The following RBM25 variants were observed in gnomAD, a reference collection of about 807,000 sequenced individuals.
RBM25 encodes RNA-binding protein 25.
In RBM25, 19 loss-of-function variants were observed where a neutral mutation model predicts 120.7. The ratio of observed to expected loss-of-function variants is 0.16; its 90% CI spans 0.11 to 0.23. RBM25 has a LOEUF of 0.23. Among genes scored for constraint, RBM25 ranks in the 10% least tolerant of loss-of-function variants. RBM25 has a pLI of 1.00. For missense variants in RBM25, 605 were observed against 1,041.5 expected, an observed-to-expected ratio of 0.58 and a Z score of 5.77; for synonymous variants, 390 against 326.7, an observed-to-expected ratio of 1.19 and a Z score of -2.09.
intron 10 of RBM25, among the ~76,000 whole-genome samples, chr14:73,103,883 T>TTGTC (rs1370183941): frequency 9.5e-5 from 12 of 126,808 alleles, no homozygotes; most frequent in East Asian, 4.7e-4. Context: ...AACATGGTCT[T>TTGTC]TGTCTGTCTG....
chr14:73,111,846 G>A (rs763357853), intron 16 of RBM25, 44 bp downstream of exon 16: 6 of 1,517,904 alleles, frequency 4.0e-6, no homozygotes, highest in Non-Finnish European at 5.3e-6. Flanking sequence ...GGAACAGTTG[G>A]AATATGCCAT....
chr14:73,088,979 A>G (rs1895749470), intron 6 of RBM25, among the ~76,000 whole-genome samples: 1 of 152,124 alleles, frequency 6.6e-6, no homozygotes, highest in Non-Finnish European at 1.5e-5. Flanking sequence ...TGTCTCTACT[A>G]AAAATACAAA....
chr14:73,104,538 G>T (rs1896139226), intron 10 of RBM25, among the ~76,000 whole-genome samples: 1 of 151,700 alleles, frequency 6.6e-6, no homozygotes, highest in Admixed American at 6.6e-5. Flanking sequence ...ACTAATTTTT[G>T]TATTTTTTTT....
intron 6 of RBM25, among the ~76,000 whole-genome samples, chr14:73,090,286 G>C (rs1895784041): frequency 1.3e-5 from 2 of 152,082 alleles, no homozygotes; most frequent in African/African-American, 2.4e-5. Flanking sequence ...CCTGACCTCA[G>C]GTGATCCACC....
In RBM25 at chr14:73,107,866, A is replaced by G; in HGVS notation, c.1508A>G (p.Tyr503Cys). Residue 503 changes from tyrosine (Y) to cysteine (C), a missense_variant, in exon 13 of 19, where the codon TAT (tyrosine) becomes TGT (cysteine). Physicochemically the swap from Tyr to Cys is radical, Grantham distance 194 (BLOSUM62 -2). This residue lies in a region of RBM25 where 465 missense variants were observed against 741.6 expected (regional missense o/e 0.63). Coordinates refer to ENST00000261973, the MANE Select transcript of RBM25 (RefSeq NM_021239.3). ...CGACTAAAAGAATTCTTAGAAGACT[A>G]TGATGATGATAGAGATGACCCCAAA... Reference protein sequence around the residue: ...AKRLKEFLEDYDDDRDDPKYY... With the variant: ...AKRLKEFLEDCDDDRDDPKYY... The G allele has an allele frequency of 6.2e-7, 1 of 1,602,694 alleles. No homozygotes were observed. The highest frequency in any genetic ancestry group is 8.5e-7 in the Non-Finnish European group (1 of 1,172,924).
intron 4 of RBM25, 85 bp downstream of exon 4, chr14:73,077,621 T>A: frequency 7.9e-7 from 1 of 1,260,474 alleles, no homozygotes; most frequent in South Asian, 1.6e-5. Context: ...TTTCAGTGAT[T>A]GCTTTTTATT....
In RBM25 at chr14:73,077,373, T is replaced by C; in HGVS notation, c.161T>C (p.Leu54Ser). ...TATTTTGTTTCTTCACCTTAGGTCTTAGTACCCACTGTGTCTATGGTTGGA... is the reference window on the plus strand; with the variant it reads ...TATTTTGTTTCTTCACCTTAGGTCTCAGTACCCACTGTGTCTATGGTTGGA... ...MSIMAPAPTV[L>S]VPTVSMVGKH... The change falls in exon 4 of 19, where the codon TTA becomes TCA. Residue 54 changes from leucine (L) to serine (S), a missense_variant. By Grantham distance (145) the Leu-to-Ser change is moderately radical. Coordinates refer to ENST00000261973, the MANE Select transcript of RBM25 (RefSeq NM_021239.3). 1 of 1,609,436 alleles carries C rather than the reference T, an allele frequency of 6.2e-7. No individual in the cohort carries two copies. The highest frequency in any genetic ancestry group is 8.5e-7 in the Non-Finnish European group (1 of 1,177,728).
chr14:73,114,165 G>A, intron 17 of RBM25, 121 bp from the exon 18 acceptor site: 2 of 684,582 alleles, frequency 2.9e-6, no homozygotes, highest in Non-Finnish European at 4.8e-6. Context: ...AACATTTATA[G>A]AATGGTTCCT....
chr14:73,098,145 T>G (rs746314176), intron 7 of RBM25, among the ~76,000 whole-genome samples: 3 of 152,214 alleles, frequency 2.0e-5, no homozygotes, highest in Non-Finnish European at 4.4e-5. Context: ...TATTTATGTT[T>G]TTGAGACAGT....
chr14:73,086,446 A>AAAAC (rs1895687917), intron 5 of RBM25, among the ~76,000 whole-genome samples: 1 of 151,866 alleles, frequency 6.6e-6, no homozygotes, highest in African/African-American at 2.4e-5. Context: ...AAAAAAAAAA[A>AAAAC]AAAACAAAAC....
intron 1 of RBM25, among the ~76,000 whole-genome samples, chr14:73,061,045 TTGG>T (rs1299741219): frequency 6.6e-6 from 1 of 150,826 alleles, no homozygotes; most frequent in Non-Finnish European, 1.5e-5. Context: ...TTTTTCTGAG[TTGG>T]TGTACTTTTT....
At chr14:73,100,800 A>T (rs2140453135) in intron 9 of RBM25, 1 of 152,622 alleles carries the variant, frequency 6.6e-6, no homozygotes. Context: ...TGCTTTTTCA[A>T]GAATTAAATG....
intron 2 of RBM25, among the ~76,000 whole-genome samples, chr14:73,073,545 T>C (rs1267135969): frequency 6.6e-6 from 1 of 152,066 alleles, no homozygotes; most frequent in African/African-American, 2.4e-5. Flanking sequence ...AAAAATTAGC[T>C]GGGCGTGGTG....
rs576541173 is a variant in RBM25, at chr14:73,122,590, T to A, written c.*2785T>A. On this transcript the variant is annotated 3_prime_UTR_variant, in exon 19 of 19. Transcript: ENST00000261973. The stretch of plus-strand genomic sequence containing the variant: ...CTTGCCTGGCCAAAGCGTGAACATC[T>A]TAAGAACCAGTCTTGATCTGGCAAA... 1 of 152,206 alleles carries A rather than the reference T, an allele frequency of 6.6e-6. No individual in the cohort carries two copies. The highest frequency in any genetic ancestry group is 1.5e-5 in the Non-Finnish European group (1 of 68,042). The allele number at this position is 152,206 out of a possible 1,614,324, so 9.4% of individuals were successfully genotyped here.
intron 10 of RBM25, among the ~76,000 whole-genome samples, chr14:73,105,522 G>A (rs966516808): frequency 2.6e-5 from 4 of 151,924 alleles, no homozygotes; most frequent in African/African-American, 9.7e-5. Flanking sequence ...CCTTTTTTCT[G>A]TTTTACACCA....
At chr14:73,098,420 C>A (rs547884838) in intron 7 of RBM25, among the ~76,000 whole-genome samples, 1 of 152,214 alleles carries the variant, frequency 6.6e-6, no homozygotes, top group African/African-American at 2.4e-5. Flanking sequence ...GTGAATCACT[C>A]ATAGCTGGCT....
chr14:73,062,908 C>G (rs1895038951), intron 1 of RBM25, among the ~76,000 whole-genome samples: 1 of 150,604 alleles, frequency 6.6e-6, no homozygotes, highest in African/African-American at 2.4e-5. Context: ...GCAACCTCCA[C>G]CTCCCGGGCT....
intron 1 of RBM25, chr14:73,068,144 G>C (rs1028778964): frequency 2.2e-5 from 18 of 817,468 alleles, no homozygotes; most frequent in Non-Finnish European, 3.4e-5. Flanking sequence ...GGTCCTAGAT[G>C]GCTGCTTGGT....
intron 18 of RBM25, among the ~76,000 whole-genome samples, chr14:73,117,196 T>G (rs1594939574): frequency 6.9e-6 from 1 of 145,464 alleles, no homozygotes; most frequent in Non-Finnish European, 1.5e-5. Flanking sequence ...TTCTTTTAAT[T>G]TCTTTCTTCT....
Sources: allele counts gnomAD v4.1 joint callset (sites outside exome capture counted in the v4.1 genomes callset), GRCh38; gene constraint gnomAD v4.1.1; regional missense constraint gnomAD v4.1.1; transcripts MANE v1.5; gene names NCBI Gene and HGNC (gene_info 2026-07-23, HGNC 2026-07-21).